Variants in DPYD observed in about 807,000 individuals in gnomAD.
DPYD encodes dihydropyrimidine dehydrogenase.
A neutral mutation model predicts 116.2 loss-of-function variants in DPYD; 109 were observed. That is an observed-to-expected ratio of 0.94 (90% confidence interval 0.80 to 1.10). The LOEUF is 1.10. Ranked by LOEUF, DPYD falls within the 50% of genes least tolerant of loss-of-function variation. The pLI, the probability that DPYD is intolerant of heterozygous loss-of-function variation, is 0.00. For missense variants in DPYD, 1,302 were observed against 1,254.5 expected, an observed-to-expected ratio of 1.04 and a Z score of -0.57; for synonymous variants, 440 against 432.0, an observed-to-expected ratio of 1.02 and a Z score of -0.23.
At chr1:97,434,180 C>A (rs1675332724) in intron 14 of DPYD, among the ~76,000 whole-genome samples, 1 of 152,000 alleles carries the variant, frequency 6.6e-6, no homozygotes, top group African/African-American at 2.4e-5. Context: ...TGGTTACTTC[C>A]CTAAATTTTG....
chr1:97,380,828 G>T (rs72728431), intron 15 of DPYD, among the ~76,000 whole-genome samples: 29,183 of 152,008 alleles, frequency 0.19, 2,976 homozygotes, highest in South Asian at 0.38. Context: ...TGTTTTAACC[G>T]GTTTTGAAGC....
intron 16 of DPYD, among the ~76,000 whole-genome samples, chr1:97,370,356 T>C (rs751360871): frequency 1.3e-5 from 2 of 151,492 alleles, no homozygotes; most frequent in Non-Finnish European, 2.9e-5. Flanking sequence ...TAAATGGGAG[T>C]TGAACAACAA....
chr1:97,489,926 T>C (rs1678873488), intron 13 of DPYD, among the ~76,000 whole-genome samples: 1 of 152,174 alleles, frequency 6.6e-6, no homozygotes, highest in Non-Finnish European at 1.5e-5. Flanking sequence ...TTAATACCTA[T>C]AATATTTTTT....
intron 8 of DPYD, among the ~76,000 whole-genome samples, chr1:97,649,371 A>T (rs1658453509): frequency 6.6e-6 from 1 of 152,132 alleles, no homozygotes; most frequent in Non-Finnish European, 1.5e-5. Context: ...AGGGTTAGCA[A>T]ATTTTAGAAA....
intron 5 of DPYD, 50 bp downstream of exon 5, chr1:97,721,460 T>C (rs1443521288): frequency 1.2e-6 from 2 of 1,603,296 alleles, no homozygotes; most frequent in Admixed American, 1.7e-5. Flanking sequence ...TTTAAGATAT[T>C]TGTGCATGGT....
chr1:97,484,042 C>T lies in DPYD; in HGVS notation c.1740+31684G>A, dbSNP rs141110258. Among the ~76,000 whole-genome samples the T allele has an allele frequency of 3.5e-3, 530 of 152,292 alleles. 1 individual carries two copies. The highest frequency in any genetic ancestry group is 7.3e-3 in the African/African-American group (303 of 41,560). ...ATTTCCAACTGGGTCCCATGGCTCA[C>T]GTCTGTAATCACAGCACTTTGGGAG... On this transcript the variant is annotated intron_variant, in intron 13 of 22. Coordinates refer to ENST00000370192, the MANE Select transcript of DPYD (RefSeq NM_000110.4).
At chr1:97,775,867 T>C (rs1666375600) in intron 3 of DPYD, among the ~76,000 whole-genome samples, 1 of 152,208 alleles carries the variant, frequency 6.6e-6, no homozygotes, top group South Asian at 2.1e-4. Flanking sequence ...ACTGAGTTTG[T>C]CTCACATTAC....
At chr1:97,439,312 T>C (rs1203897838) in intron 14 of DPYD, among the ~76,000 whole-genome samples, 1 of 152,280 alleles carries the variant, frequency 6.6e-6, no homozygotes, top group East Asian at 1.9e-4. Flanking sequence ...CTATTTTACA[T>C]TTCTGAAAGG....
intron 11 of DPYD, among the ~76,000 whole-genome samples, chr1:97,550,386 A>C (rs1651228820): frequency 6.6e-6 from 1 of 152,140 alleles, no homozygotes; most frequent in African/African-American, 2.4e-5. Context: ...TTGCTCTGTA[A>C]AGTAGTTTTG....
At chr1:97,294,143 T>C (rs1666380954) in intron 18 of DPYD, among the ~76,000 whole-genome samples, 1 of 152,154 alleles carries the variant, frequency 6.6e-6, no homozygotes, top group Non-Finnish European at 1.5e-5. Context: ...CAACCGAATG[T>C]GCTAAATGAA....
rs1445413030 is a variant in DPYD, at chr1:97,699,401, C to A, written c.630G>T (p.Gly210=). The change falls in exon 6 of 23, where the codon GGG becomes GGT. Residue 210 remains glycine (G), a synonymous_variant. Coordinates refer to ENST00000370192, the MANE Select transcript of DPYD (RefSeq NM_000110.4). The stretch of plus-strand genomic sequence containing the variant: ...TTTCAAATATAGTGATGTCAGAGTA[C>A]CCCAATCGAGCCAAAAAGGAAGCAC... ...ISCASFLARL[G]YSDITIFEKQ... 1 of 1,613,502 alleles carries A rather than the reference C, an allele frequency of 6.2e-7. No individual in the cohort carries two copies. Among genetic ancestry groups the A allele is most frequent in the African/African-American group, 1.3e-5 (1 of 74,852 alleles).
At chr1:97,461,884 T>A (rs1203392331) in intron 13 of DPYD, among the ~76,000 whole-genome samples, 1 of 152,176 alleles carries the variant, frequency 6.6e-6, no homozygotes, top group Non-Finnish European at 1.5e-5. Flanking sequence ...CTTGGAACAA[T>A]AAATGCTTTC....
intron 14 of DPYD, among the ~76,000 whole-genome samples, chr1:97,430,949 CAG>C (rs1675146083): frequency 6.6e-6 from 1 of 151,768 alleles, no homozygotes; most frequent in Admixed American, 6.6e-5. Flanking sequence ...AAAAAAATAA[CAG>C]ATAGCAGAAC....
intron 16 of DPYD, among the ~76,000 whole-genome samples, chr1:97,341,069 G>A (rs1669565453): frequency 6.6e-6 from 1 of 152,116 alleles, no homozygotes; most frequent in Non-Finnish European, 1.5e-5. Context: ...AGAAATTGAA[G>A]GAGGAGTACC....
chr1:97,214,104 C>G (rs1314117093), intron 19 of DPYD, among the ~76,000 whole-genome samples: 4 of 152,180 alleles, frequency 2.6e-5, no homozygotes, highest in Admixed American at 6.5e-5. Context: ...GCTTAGGTCA[C>G]TGCTGTACTA....
At chr1:97,398,062 C>T (rs1334832340) in intron 14 of DPYD, among the ~76,000 whole-genome samples, 2 of 151,920 alleles carry the variant, frequency 1.3e-5, no homozygotes, top group African/African-American at 2.4e-5. Flanking sequence ...TCATCATTTA[C>T]ATTAGGTATA....
At chr1:97,118,019 T>A (rs1220735897) in intron 20 of DPYD, among the ~76,000 whole-genome samples, 2 of 152,202 alleles carry the variant, frequency 1.3e-5, no homozygotes, top group Non-Finnish European at 2.9e-5. Context: ...GCGTTTGAGG[T>A]AACAGTAGAG....
intron 13 of DPYD, among the ~76,000 whole-genome samples, chr1:97,499,894 T>A (rs988871489): frequency 6.6e-6 from 1 of 151,918 alleles, no homozygotes; most frequent in South Asian, 2.1e-4. Flanking sequence ...CTATTCAAAG[T>A]CTTATTGCAA....
intron 14 of DPYD, among the ~76,000 whole-genome samples, chr1:97,413,907 T>A (rs763701150): frequency 2.6e-4 from 39 of 152,172 alleles, no homozygotes; most frequent in Non-Finnish European, 5.4e-4. Context: ...CAGAGAGATT[T>A]ATGCATTTCT....
Sources: gnomAD v4.1 joint callset for allele counts (sites outside exome capture counted in the v4.1 genomes callset) on GRCh38, gnomAD v4.1.1 for gene constraint, MANE v1.5 for transcripts, NCBI Gene and HGNC (gene_info 2026-07-23, HGNC 2026-07-21) for gene names.